The following PARD3B variants were observed in gnomAD, a reference collection of about 807,000 sequenced individuals.
The protein encoded by PARD3B is partitioning defective 3 homolog B.
A neutral mutation model predicts 130.2 loss-of-function variants in PARD3B; 103 were observed. The ratio of observed to expected loss-of-function variants is 0.79; its 90% CI spans 0.67 to 0.93. The LOEUF (loss-of-function observed/expected upper bound fraction) is 0.93. PARD3B is among the 40% of genes least tolerant of loss of function. The pLI is 0.00. For synonymous variants in PARD3B, 583 were observed against 553.2 expected, an observed-to-expected ratio of 1.05 and a Z score of -0.76; for missense variants, 1,609 against 1,499.2, an observed-to-expected ratio of 1.07 and a Z score of -1.21.
chr2:205,483,936 A>T (rs2049339732), intron 20 of PARD3B, among the ~76,000 whole-genome samples: 1 of 152,170 alleles, frequency 6.6e-6, no homozygotes, highest in Non-Finnish European at 1.5e-5. Context: ...CTTAATATGG[A>T]ATGTACAACA....
At chr2:205,516,050 G>A (rs2050780647) in intron 21 of PARD3B, among the ~76,000 whole-genome samples, 1 of 152,114 alleles carries the variant, frequency 6.6e-6, no homozygotes, top group Non-Finnish European at 1.5e-5. Flanking sequence ...ATTGAAGAGG[G>A]AGTCTTTTCT....
intron 4 of PARD3B, chr2:205,103,625 T>A (rs1702985746): frequency 1.3e-6 from 1 of 790,146 alleles, no homozygotes; most frequent in South Asian, 5.8e-5. Flanking sequence ...CGTGTAACAA[T>A]AGTTTATTGT....
intron 22 of PARD3B, among the ~76,000 whole-genome samples, chr2:205,611,142 C>T (rs1276144167): frequency 2.0e-5 from 3 of 152,146 alleles, no homozygotes; most frequent in South Asian, 4.2e-4. Context: ...GTGGCAGAGA[C>T]AGAGGAGAGA....
chr2:205,446,580 G>A lies in PARD3B; in HGVS notation c.3044+5908G>A, dbSNP rs10188158. Among the ~76,000 whole-genome samples the A allele has an allele frequency of 6.9e-3, 1,046 of 151,852 alleles. 8 individuals are homozygous for A. Among genetic ancestry groups the A allele is most frequent in the African/African-American group, 0.023 (968 of 41,390 alleles). ...GTAGCTTTCTAATAGAGGCGACTTC[G>A]GTCTCATACCTACTTGCTTCTCAAA... is the stretch of plus-strand genomic sequence containing the variant. On this transcript the variant is annotated intron_variant, in intron 20 of 22. Coordinates refer to ENST00000406610, the MANE Select transcript of PARD3B (RefSeq NM_001302769.2). This position sits in a 1 kb window ranked among gnomAD's most constrained non-coding sequence, Gnocchi z 4.4.
rs139419070 is a variant in PARD3B, at chr2:205,064,786, A to G, written c.504+17096A>G. On this transcript the variant is annotated intron_variant, in intron 4 of 22. Transcript: ENST00000406610. ...ACTTTAAAGAAAGGGTAGACATTTG[A>G]TAAGCATAAAAAAGTCAGTGTGCAA... 1.7e-3 allele frequency among the ~76,000 whole-genome samples: 255 copies of G among 152,328 alleles called. 3 individuals are homozygous for G. Among genetic ancestry groups the G allele is most frequent in the African/African-American group, 6.0e-3 (250 of 41,574 alleles).
intron 2 of PARD3B, among the ~76,000 whole-genome samples, chr2:204,861,403 A>T (rs1254558726): frequency 6.6e-6 from 1 of 152,156 alleles, no homozygotes. Context: ...TTTAAAGTGG[A>T]AATGTATTAC....
intron 15 of PARD3B, among the ~76,000 whole-genome samples, chr2:205,203,250 G>A (rs2037088933): frequency 2.0e-5 from 3 of 152,074 alleles, no homozygotes; most frequent in Admixed American, 2.0e-4. Flanking sequence ...AGAAATTTTG[G>A]TCAATGGAAA....
intron 10 of PARD3B, among the ~76,000 whole-genome samples, chr2:205,154,576 A>G (rs575242779): frequency 2.3e-4 from 35 of 152,304 alleles, no homozygotes; most frequent in African/African-American, 7.9e-4. Context: ...AAATCATGCT[A>G]CTATAAAGAC....
intron 16 of PARD3B, among the ~76,000 whole-genome samples, chr2:205,246,490 A>G (rs563606530): frequency 1.3e-5 from 2 of 152,266 alleles, no homozygotes; most frequent in African/African-American, 2.4e-5. Context: ...TTAGTTGAAA[A>G]CATTTAAAGC....
intron 10 of PARD3B, among the ~76,000 whole-genome samples, chr2:205,150,075 G>A (rs1156595715): frequency 6.6e-6 from 1 of 152,182 alleles, no homozygotes; most frequent in Non-Finnish European, 1.5e-5. Flanking sequence ...TGCAGGGGAG[G>A]CATTAGAGCA....
chr2:204,687,971 A>T (rs955008399), intron 2 of PARD3B, among the ~76,000 whole-genome samples: 6 of 152,162 alleles, frequency 3.9e-5, no homozygotes, highest in Non-Finnish European at 8.8e-5. Flanking sequence ...GAGCTCTCAC[A>T]TTTAGAGCAT....
chr2:204,823,724 G>A (rs2043458391), intron 2 of PARD3B, among the ~76,000 whole-genome samples: 2 of 152,152 alleles, frequency 1.3e-5, no homozygotes, highest in African/African-American at 4.8e-5. Context: ...TAGATCACCT[G>A]AGGTCAGGAG....
Position 205,243,147 on chromosome 2 carries a change from CAA to C in PARD3B, c.2141-2630_2141-2629del, listed in dbSNP as rs923644480. On this transcript the variant is annotated intron_variant, in intron 15 of 22. Transcript: ENST00000406610. The stretch of plus-strand genomic sequence containing the variant: ...TGCCATTGCACTTTAGCCTGGGCAA[CAA>C]GAGCGAAACTCCGTCTCAAAAAAAA... 7.9e-5 allele frequency among the ~76,000 whole-genome samples: 12 copies of C among 151,304 alleles called. No homozygotes were observed. In the East Asian group the frequency reaches 2.3e-3, roughly 30 times the overall value.
chr2:204,787,332 G>T (rs895857017), intron 2 of PARD3B, among the ~76,000 whole-genome samples: 1 of 152,070 alleles, frequency 6.6e-6, no homozygotes, highest in African/African-American at 2.4e-5. Context: ...AGCCTTTTGT[G>T]TGTTAGGGAG....
chr2:204,927,350 T>C (rs1687699117), intron 2 of PARD3B, among the ~76,000 whole-genome samples: 1 of 152,082 alleles, frequency 6.6e-6, no homozygotes, highest in Non-Finnish European at 1.5e-5. Context: ...AGAGATCTCC[T>C]TCTCCTTCCA....
At chr2:205,248,898 C>T (rs922733529) in intron 16 of PARD3B, among the ~76,000 whole-genome samples, 9 of 151,758 alleles carry the variant, frequency 5.9e-5, no homozygotes, top group African/African-American at 1.5e-4. Context: ...TGAGCCACCG[C>T]GCCCAGCCTG....
At chr2:205,150,252 T>TGTGTGTGTGTGTGCGCGCGC (rs375301293) in intron 10 of PARD3B, among the ~76,000 whole-genome samples, 1 of 145,780 alleles carries the variant, frequency 6.9e-6, no homozygotes. Context: ...TGTGTGTGTG[T>TGTGTGTGTGTGTGCGCGCGC]GCACACACGC....
At chr2:204,735,196 C>T (rs951299912) in intron 2 of PARD3B, among the ~76,000 whole-genome samples, 26 of 151,950 alleles carry the variant, frequency 1.7e-4, no homozygotes, top group Admixed American at 1.7e-3. Flanking sequence ...ATAAAGTGCA[C>T]CTTTCTAATA....
At chr2:204,867,208 A>G (rs746383013) in intron 2 of PARD3B, among the ~76,000 whole-genome samples, 1 of 152,148 alleles carries the variant, frequency 6.6e-6, no homozygotes, top group East Asian at 1.9e-4. Flanking sequence ...CTTTTGACCT[A>G]ATTAGCTTTT....
Sources: gnomAD v4.1 joint callset for allele counts (sites outside exome capture counted in the v4.1 genomes callset) on GRCh38, gnomAD v4.1.1 for gene constraint, Gnocchi (gnomAD v3.1) non-coding constraint, MANE v1.5 for transcripts, NCBI Gene and HGNC (gene_info 2026-07-23, HGNC 2026-07-21) for gene names.